Variants in SERGEF observed in about 807,000 individuals in gnomAD.
The protein encoded by SERGEF is secretion-regulating guanine nucleotide exchange factor.
In SERGEF, 51 loss-of-function variants were observed where a neutral mutation model predicts 50.0. That is an observed-to-expected ratio of 1.02 (90% CI 0.81 to 1.29). SERGEF has a LOEUF of 1.29. SERGEF is among the 50% of genes most tolerant of loss of function. The probability of loss-of-function intolerance (pLI) is 0.00; values close to 1 mark genes in which losing one functional copy is unlikely to be tolerated. For synonymous variants in SERGEF, 205 were observed against 212.4 expected (o/e 0.97, Z 0.30); for missense variants, 521 against 557.0 (o/e 0.94, Z 0.65).
rs1024734050 is a variant in SERGEF, at chr11:17,812,798, A to G, written c.1049-24385T>C. Among the ~76,000 whole-genome samples the G allele has an allele frequency of 6.6e-5, 10 of 152,326 alleles. 1 individual carries two copies. In the East Asian group the frequency reaches 1.9e-3, roughly 29 times the overall value. On this transcript the variant is annotated intron_variant, in intron 10 of 10. Coordinates refer to ENST00000265965, the MANE Select transcript of SERGEF (RefSeq NM_012139.4). Reference sequence around the variant, plus strand: ...AGAGCCTGGCATATGATAAAGCCTCAATAAATGTTTTCTGAATTGAATCAA... The same window carrying G: ...AGAGCCTGGCATATGATAAAGCCTCGATAAATGTTTTCTGAATTGAATCAA...
chr11:17,868,346 C>T (rs1590166587), intron 10 of SERGEF, among the ~76,000 whole-genome samples: 1 of 152,318 alleles, frequency 6.6e-6, no homozygotes, highest in South Asian at 2.1e-4. Context: ...TGCCACCAGT[C>T]TCTTTGTTAA....
intron 5 of SERGEF, among the ~76,000 whole-genome samples, chr11:17,998,725 T>G (rs1853898780): frequency 6.6e-6 from 1 of 151,064 alleles, no homozygotes; most frequent in African/African-American, 2.4e-5. Context: ...ATAGGACTGG[T>G]GTCCTTATAA....
chr11:17,878,193 A>AT lies in SERGEF; in HGVS notation c.1048+14dup, dbSNP rs1219167761. 2 of 1,560,346 alleles carry AT rather than the reference A, an allele frequency of 1.3e-6. No homozygotes were observed. The highest frequency in any genetic ancestry group is 1.8e-6 in the Non-Finnish European group (2 of 1,137,060). ...ATTTTCAGAAGAAACAGTTATCAGT[A>AT]TAAAAATTACTTACCAATTATTGCC... is the stretch of plus-strand genomic sequence containing the variant. On this transcript the variant is annotated intron_variant, in intron 10 of 10. Coordinates refer to ENST00000265965, the MANE Select transcript of SERGEF (RefSeq NM_012139.4).
At chr11:17,992,128 C>T (rs544010712) in intron 7 of SERGEF, among the ~76,000 whole-genome samples, 29 of 152,042 alleles carry the variant, frequency 1.9e-4, no homozygotes, top group Admixed American at 1.8e-3. Flanking sequence ...GATGAATGCG[C>T]AGCCAAAGAG....
At chr11:17,922,405 T>C (rs1021043988) in intron 9 of SERGEF, among the ~76,000 whole-genome samples, 1 of 152,126 alleles carries the variant, frequency 6.6e-6, no homozygotes, top group Non-Finnish European at 1.5e-5. Flanking sequence ...CCCATAGCTC[T>C]TGGAAAAGAT....
At chr11:17,974,032 A>G (rs962437328) in intron 8 of SERGEF, among the ~76,000 whole-genome samples, 5 of 152,172 alleles carry the variant, frequency 3.3e-5, no homozygotes, top group African/African-American at 1.2e-4. Flanking sequence ...TGTCAAGGCT[A>G]GTAGATGGTG....
intron 9 of SERGEF, among the ~76,000 whole-genome samples, chr11:17,922,590 A>G (rs1284944666): frequency 6.6e-6 from 1 of 152,102 alleles, no homozygotes; most frequent in African/African-American, 2.4e-5. Flanking sequence ...ACTATGTGGT[A>G]CTCAGGAGTT....
intron 9 of SERGEF, among the ~76,000 whole-genome samples, chr11:17,928,037 C>A (rs1027519933): frequency 6.6e-6 from 1 of 152,196 alleles, no homozygotes. Flanking sequence ...TACTTAGAGT[C>A]TCTAAATTTG....
At chr11:18,011,155 CA>C (rs1854188372) in intron 1 of SERGEF, among the ~76,000 whole-genome samples, 2 of 151,932 alleles carry the variant, frequency 1.3e-5, no homozygotes, top group South Asian at 4.2e-4. Context: ...CACACACACA[CA>C]CACACACACA....
chr11:17,916,917 AT>A (rs1852058696), intron 9 of SERGEF, among the ~76,000 whole-genome samples: 1 of 152,214 alleles, frequency 6.6e-6, no homozygotes, highest in African/African-American at 2.4e-5. Context: ...ATCTGGGAAT[AT>A]TATTTGAATA....
chr11:18,005,232 A>G (rs1425979951), intron 3 of SERGEF, among the ~76,000 whole-genome samples: 1 of 152,240 alleles, frequency 6.6e-6, no homozygotes, highest in Non-Finnish European at 1.5e-5. Context: ...AATCCAAAAC[A>G]TAGGCTCACA....
At chr11:17,934,362 G>A (rs1852410021) in intron 9 of SERGEF, among the ~76,000 whole-genome samples, 1 of 152,142 alleles carries the variant, frequency 6.6e-6, no homozygotes, top group Non-Finnish European at 1.5e-5. Flanking sequence ...AGATCACAGA[G>A]CTAGACAAAT....
intron 1 of SERGEF, among the ~76,000 whole-genome samples, chr11:18,009,108 A>C (rs1854143577): frequency 1.3e-5 from 2 of 152,274 alleles, no homozygotes; most frequent in East Asian, 1.9e-4. Flanking sequence ...AAAGAAAAAT[A>C]ATAATAATTC....
At chr11:17,992,227 C>T (rs1853726839) in intron 7 of SERGEF, among the ~76,000 whole-genome samples, 1 of 151,900 alleles carries the variant, frequency 6.6e-6, no homozygotes, top group Non-Finnish European at 1.5e-5. Flanking sequence ...AAACATATAA[C>T]AATATAAAAT....
intron 9 of SERGEF, among the ~76,000 whole-genome samples, chr11:17,956,888 G>A (rs565663147): frequency 3.9e-5 from 6 of 152,246 alleles, no homozygotes; most frequent in African/African-American, 1.4e-4. Flanking sequence ...GTTTAGTGTG[G>A]CTCTTGTCTT....
chr11:17,817,277 C>T (rs1050506317), intron 10 of SERGEF, among the ~76,000 whole-genome samples: 5 of 150,176 alleles, frequency 3.3e-5, no homozygotes, highest in Admixed American at 6.6e-5. Flanking sequence ...TGCAGTGGCG[C>T]GATCTTGGCT....
chr11:17,872,026 T>C (rs896969957), intron 10 of SERGEF, among the ~76,000 whole-genome samples: 1 of 152,192 alleles, frequency 6.6e-6, no homozygotes. Context: ...AACAGTTAAA[T>C]GGTTAAATAA....
chr11:18,000,810 A>C lies in SERGEF; in HGVS notation c.448-253T>G, dbSNP rs774255193. 18 of 638,222 alleles carry C rather than the reference A, an allele frequency of 2.8e-5. 1 individual carries two copies. Among genetic ancestry groups the C allele is most frequent in the South Asian group, 2.7e-4 (18 of 66,140 alleles). The allele number at this position is 638,222 out of a possible 1,614,324, so 39.5% of individuals were successfully genotyped here. ...AGGGCTGGGAGGCACTTCTAAGGTC[A>C]TCTAGTCCAAGAGTTAGTAAATGTT... On this transcript the variant is annotated intron_variant, in intron 4 of 10. Coordinates refer to ENST00000265965, the MANE Select transcript of SERGEF (RefSeq NM_012139.4).
intron 10 of SERGEF, among the ~76,000 whole-genome samples, chr11:17,847,303 T>G (rs1850631530): frequency 6.6e-6 from 1 of 152,110 alleles, no homozygotes. Context: ...AGAACGTGTC[T>G]GCACTCAGCA....
Sources: allele counts gnomAD v4.1 joint callset (sites outside exome capture counted in the v4.1 genomes callset), GRCh38; gene constraint gnomAD v4.1.1; transcripts MANE v1.5; gene names NCBI Gene and HGNC (gene_info 2026-07-23, HGNC 2026-07-21).